The following NAV3 variants were observed in gnomAD, a reference collection of about 807,000 sequenced individuals.
NAV3 encodes pore membrane and/or filament interacting like protein 1.
In NAV3, 87 loss-of-function variants were observed where a neutral mutation model predicts 244.7. That is an observed-to-expected ratio of 0.36 (90% CI 0.30 to 0.42). The LOEUF is 0.42. Among genes scored for constraint, NAV3 ranks in the 20% least tolerant of loss-of-function variants. The pLI is 1.00. For synonymous variants in NAV3, 1,126 were observed against 1,042.2 expected (o/e 1.08, Z -1.55); for missense variants, 2,663 against 2,893.3 (o/e 0.92, Z 1.83).
chr12:77,578,084 A>T (rs1565722129), intron 2 of NAV3, among the ~76,000 whole-genome samples: 1 of 152,222 alleles, frequency 6.6e-6, no homozygotes, highest in African/African-American at 2.4e-5. Flanking sequence ...GATATGTTAC[A>T]AAAGTGGTAG....
At chr12:77,852,272 C>A (rs1249172530) in intron 1 of NAV3, among the ~76,000 whole-genome samples, 1 of 152,148 alleles carries the variant, frequency 6.6e-6, no homozygotes, top group South Asian at 2.1e-4. Context: ...CAGTGGCTCA[C>A]GCCTGCAATC....
intron 24 of NAV3, 48 bp downstream of exon 24, chr12:78,168,914 TTTTA>T: frequency 8.1e-7 from 1 of 1,234,134 alleles, no homozygotes; most frequent in Non-Finnish European, 1.2e-6. Flanking sequence ...TAGACATCTA[TTTTA>T]TTTATTAATT....
At chr12:77,682,356 G>A (rs1874512122) in intron 2 of NAV3, among the ~76,000 whole-genome samples, 1 of 152,108 alleles carries the variant, frequency 6.6e-6, no homozygotes, top group African/African-American at 2.4e-5. Flanking sequence ...AGGCTAAATA[G>A]TATCCCATTG....
intron 2 of NAV3, among the ~76,000 whole-genome samples, chr12:77,752,137 A>G (rs1308666963): frequency 1.3e-5 from 2 of 152,108 alleles, no homozygotes; most frequent in African/African-American, 4.8e-5. Context: ...GTTTCCATAA[A>G]AGGTATGAGT....
At chr12:78,117,162 T>TATATATA (rs1955431158) in intron 13 of NAV3, among the ~76,000 whole-genome samples, 2 of 92,258 alleles carry the variant, frequency 2.2e-5, no homozygotes, top group Non-Finnish European at 4.4e-5. Context: ...AAGCAGCATA[T>TATATATA]ATATATATAT....
chr12:78,013,875 G>T (rs1875731013), intron 8 of NAV3, among the ~76,000 whole-genome samples: 1 of 151,828 alleles, frequency 6.6e-6, no homozygotes, highest in African/African-American at 2.4e-5. Flanking sequence ...TTTTCATTCT[G>T]TTTTTTTAAA....
chr12:77,583,557 G>A (rs550429500), intron 2 of NAV3, among the ~76,000 whole-genome samples: 1 of 152,108 alleles, frequency 6.6e-6, no homozygotes, highest in East Asian at 1.9e-4. Flanking sequence ...TTGTTTTGGG[G>A]GAAAACTACA....
intron 2 of NAV3, among the ~76,000 whole-genome samples, chr12:77,616,353 C>T (rs929989067): frequency 6.6e-6 from 1 of 151,944 alleles, no homozygotes; most frequent in Non-Finnish European, 1.5e-5. Context: ...TTGCAGTGAG[C>T]CGAGATCACA....
exon 2 of NAV3, chr12:77,571,978 A>G (rs1383870279): frequency 3.3e-5 from 5 of 152,634 alleles, no homozygotes; most frequent in African/African-American, 9.6e-5. Context: ...GCATTTAAAA[A>G]CGATATGCTG....
chr12:77,816,623 G>T (rs942488763), intron 2 of NAV3, among the ~76,000 whole-genome samples: 1 of 152,142 alleles, frequency 6.6e-6, no homozygotes, highest in African/African-American at 2.4e-5. Flanking sequence ...GCTATCATCT[G>T]CGGCCACCTC....
At chr12:78,064,406 T>A (rs918878376) in intron 12 of NAV3, among the ~76,000 whole-genome samples, 1 of 133,828 alleles carries the variant, frequency 7.5e-6, no homozygotes, top group Non-Finnish European at 1.6e-5. Flanking sequence ...TGTCTGTCTG[T>A]CTGTCTGTCT....
intron 2 of NAV3, among the ~76,000 whole-genome samples, chr12:77,664,609 A>G (rs905295998): frequency 2.6e-5 from 4 of 152,222 alleles, no homozygotes; most frequent in Non-Finnish European, 5.9e-5. Context: ...CAGTTCTATT[A>G]TAACTCCTAA....
At chr12:77,619,313 T>G (rs1201308002) in intron 2 of NAV3, among the ~76,000 whole-genome samples, 8 of 152,202 alleles carry the variant, frequency 5.3e-5, no homozygotes, top group Admixed American at 2.0e-4. Context: ...ATCAATAGTA[T>G]TTTTTAGCTT....
At chr12:77,732,167 T>TTCTCCACC (rs1877153204) in intron 2 of NAV3, among the ~76,000 whole-genome samples, 1 of 152,014 alleles carries the variant, frequency 6.6e-6, no homozygotes, top group Non-Finnish European at 1.5e-5. Context: ...TCCTCAAATT[T>TTCTCCACC]AATGGCCTAC....
At chr12:77,810,172 G>C (rs998816968) in intron 2 of NAV3, among the ~76,000 whole-genome samples, 3 of 152,020 alleles carry the variant, frequency 2.0e-5, no homozygotes, top group African/African-American at 7.3e-5. Context: ...TTGTTTGTTT[G>C]TGTGTTTGTT....
chr12:78,037,540 AT>A (rs5799370), intron 9 of NAV3, among the ~76,000 whole-genome samples: 54,082 of 150,052 alleles, frequency 0.36, 10,029 homozygotes, highest in African/African-American at 0.43. Flanking sequence ...TCTTGAAGTG[AT>A]TTTTTTTTTT....
intron 20 of NAV3, among the ~76,000 whole-genome samples, chr12:78,140,560 A>C (rs1400339467): frequency 6.6e-6 from 1 of 152,164 alleles, no homozygotes; most frequent in Admixed American, 6.5e-5. Flanking sequence ...TTGTGCACTC[A>C]TCATAATCAA....
intron 2 of NAV3, among the ~76,000 whole-genome samples, chr12:77,577,431 T>C (rs553674651): frequency 1.1e-3 from 163 of 152,244 alleles, no homozygotes; most frequent in African/African-American, 3.8e-3. Context: ...GCACACATTT[T>C]TGAAGTATTT....
chr12:78,119,423 C>G lies in NAV3; in HGVS notation c.3227C>G (p.Ser1076Cys), dbSNP rs2138609603. The G allele has an allele frequency of 1.2e-6, 2 of 1,614,204 alleles. No individual in the cohort carries two copies. The highest frequency in any genetic ancestry group is 1.7e-6 in the Non-Finnish European group (2 of 1,180,032). Residue 1076 changes from serine to cysteine, a missense_variant, in exon 15 of 40, where the codon TCT (serine) becomes TGT (cysteine). By Grantham distance (112) the Ser-to-Cys change is moderately radical. Coordinates refer to ENST00000397909, the MANE Select transcript of NAV3 (RefSeq NM_001024383.2). ...AAGAAACCAAGTGGAGTAGGGTCATCTGCCATGATCACCAGCAGTGGAGCA... is the reference window on the plus strand; with the variant it reads ...AAGAAACCAAGTGGAGTAGGGTCATGTGCCATGATCACCAGCAGTGGAGCA... ...GFKKPSGVGS[S>C]AMITSSGATI...
Sources: gnomAD v4.1 joint callset for allele counts (sites outside exome capture counted in the v4.1 genomes callset) on GRCh38, gnomAD v4.1.1 for gene constraint, MANE v1.5 for transcripts, NCBI Gene and HGNC (gene_info 2026-07-23, HGNC 2026-07-21) for gene names.